Variants in C4orf50 observed in about 807,000 individuals in gnomAD.
C4orf50 encodes chromosome 4 open reading frame 50, also known as uncharacterized protein C4orf50.
In C4orf50, 80 loss-of-function variants were observed where a neutral mutation model predicts 77.2. The observed-to-expected ratio is 1.04, with a 90% CI of 0.87 to 1.25. The LOEUF is 1.25. Ranked by LOEUF, C4orf50 falls within the 50% of genes most tolerant of loss-of-function variation. The probability of loss-of-function intolerance (pLI) is 0.00; values close to 1 mark genes in which losing one functional copy is unlikely to be tolerated. For missense variants in C4orf50, 1,257 were observed against 1,152.9 expected (o/e 1.09, Z -1.31); for synonymous variants, 532 against 465.3 (o/e 1.14, Z -1.84).
chr4:5,915,371 T>C (rs1270692638), intron 7 of C4orf50, among the ~76,000 whole-genome samples: 1 of 152,232 alleles, frequency 6.6e-6, no homozygotes, highest in South Asian at 2.1e-4. Flanking sequence ...GGGAAAGACA[T>C]GGTTCATTAG....
Position 5,901,805 on chromosome 4 carries a change from G to T in C4orf50, c.*2475-3617C>A, listed in dbSNP as rs1291669634. 2 of 152,228 alleles carry T rather than the reference G, an allele frequency of 1.3e-5. No homozygotes were observed. The highest frequency in any genetic ancestry group is 2.9e-5 in the Non-Finnish European group (2 of 68,074). 9.4% of individuals were successfully genotyped at this position (152,228 alleles called of 1,614,324 possible). A position where few individuals can be genotyped will look rare whatever the true frequency, so the allele number is the denominator to read the frequency against. On this transcript the variant is annotated intron_variant, in intron 7 of 7. Transcript: ENST00000324058. The surrounding 1 kb of genome is among the most constrained non-coding windows in gnomAD (Gnocchi z 4.4). ...GATCACCATGCTGTCTAAAGGTCTG[G>T]GGCCCAAGACAGGTATATTCTCTGG...
intron 33 of C4orf50, 105 bp from the exon 12 acceptor site, chr4:5,959,731 G>C: frequency 1.5e-6 from 2 of 1,373,478 alleles, no homozygotes; most frequent in Non-Finnish European, 1.9e-6. Context: ...ATAGCTAACG[G>C]TTTCGGGGCA....
At position 5,992,861 on chromosome 4, in the gene C4orf50, G is replaced by A; in HGVS notation, c.1163C>T (p.Pro388Leu). 2.5e-6 allele frequency: 1 copy of A among 399,132 alleles called. No individual in the cohort carries two copies. Among genetic ancestry groups the A allele is most frequent in the East Asian group, 3.6e-5 (1 of 28,054 alleles). 24.7% of individuals were successfully genotyped at this position (399,132 alleles called of 1,614,324 possible). A position where few individuals can be genotyped will look rare whatever the true frequency, so the allele number is the denominator to read the frequency against. ...GAGCTCGCTTGTGGTCTCCGGGCCTGGAGCCAAAACAGAAGAGGCCCGTCC... is the reference window on the plus strand; with the variant it reads ...GAGCTCGCTTGTGGTCTCCGGGCCTAGAGCCAAAACAGAAGAGGCCCGTCC... The change falls in exon 27 of 34, where the codon CCA becomes CTA. Residue 388 changes from proline to leucine, a missense_variant. By Grantham distance (98) the Pro-to-Leu change is moderately conservative. Transcript: ENST00000531445. The surrounding 1 kb of genome is among the most constrained non-coding windows in gnomAD (Gnocchi z 5.0).
chr4:5,999,746 G>A (rs1341590545), intron 25 of C4orf50, among the ~76,000 whole-genome samples: 1 of 152,208 alleles, frequency 6.6e-6, no homozygotes, highest in African/African-American at 2.4e-5. Context: ...AGGGCCACCA[G>A]AGGTGGCTCA....
intron 28 of C4orf50, among the ~76,000 whole-genome samples, chr4:5,984,965 A>C (rs1206119472): frequency 6.6e-6 from 1 of 152,154 alleles, no homozygotes; most frequent in Non-Finnish European, 1.5e-5. Context: ...GAAATTATAA[A>C]AGCAGTCAGA....
At chr4:5,928,361 C>T (rs200386075) in intron 7 of C4orf50, among the ~76,000 whole-genome samples, 5 of 91,832 alleles carry the variant, frequency 5.4e-5, no homozygotes, top group Admixed American at 1.1e-4. Flanking sequence ...CACACACACA[C>T]ATACACACAC....
chr4:5,959,351 G>A (rs1467841039), exon 34 of C4orf50: 2 of 1,603,438 alleles, frequency 1.2e-6, no homozygotes, highest in Non-Finnish European at 1.7e-6. Context: ...TCTATGAAAT[G>A]GCTCCGGAGA....
intron 33 of C4orf50, 46 bp downstream of exon 11, chr4:5,964,978 A>G: frequency 6.3e-7 from 1 of 1,585,286 alleles, no homozygotes; most frequent in Non-Finnish European, 8.6e-7. Flanking sequence ...TTGTACTTTC[A>G]ATAACAAAGT....
rs559149083 is a variant in C4orf50 at position 6,008,804 on chromosome 4, G to A, written c.427-272C>T. Among the ~76,000 whole-genome samples, 4 of 152,200 alleles carry A rather than the reference G, an allele frequency of 2.6e-5. No individual in the cohort carries two copies. Among genetic ancestry groups the A allele is most frequent in the Admixed American group, 2.6e-4 (4 of 15,290 alleles). On this transcript the variant is annotated intron_variant, in intron 24 of 33. Transcript: ENST00000531445. This position sits in a 1 kb window ranked among gnomAD's most constrained non-coding sequence, Gnocchi z 6.0. ...CTGAGTCCTGGAAGGGAGCTGTGCA[G>A]GTGGCAGGATGGCCATCAGCGAGTA...
chr4:5,912,283 G>C (rs1410288437), intron 7 of C4orf50, among the ~76,000 whole-genome samples: 1 of 151,934 alleles, frequency 6.6e-6, no homozygotes, highest in African/African-American at 2.4e-5. Context: ...GTGTGTGTGT[G>C]TGTGTGTGTG....
chr4:5,980,467 T>G (rs935113163), intron 28 of C4orf50, 129 bp from the exon 7 acceptor site: 3 of 788,414 alleles, frequency 3.8e-6, no homozygotes, highest in Non-Finnish European at 6.1e-6. Flanking sequence ...CCTGCTTATA[T>G]TTCTCTTACA....
chr4:6,003,871 G>T (rs1185717489), intron 25 of C4orf50, among the ~76,000 whole-genome samples: 5 of 147,984 alleles, frequency 3.4e-5, no homozygotes, highest in Non-Finnish European at 7.5e-5. Flanking sequence ...TGATGGTGAT[G>T]ATGGTGATGG....
Position 6,008,797 on chromosome 4 carries a change from C to T in C4orf50, c.427-265G>A, listed in dbSNP as rs956317670. Among the ~76,000 whole-genome samples the T allele has an allele frequency of 3.9e-5, 6 of 152,198 alleles. No homozygotes were observed. Among genetic ancestry groups the T allele is most frequent in the African/African-American group, 1.4e-4 (6 of 41,466 alleles). ...CAGCTCCCTGAGTCCTGGAAGGGAG[C>T]TGTGCAGGTGGCAGGATGGCCATCA... On this transcript the variant is annotated intron_variant, in intron 24 of 33. Transcript: ENST00000531445. This position sits in a 1 kb window ranked among gnomAD's most constrained non-coding sequence, Gnocchi z 6.0.
chr4:5,906,244 C>T (rs1302357908), intron 7 of C4orf50, among the ~76,000 whole-genome samples: 1 of 151,608 alleles, frequency 6.6e-6, no homozygotes, highest in African/African-American at 2.4e-5. Flanking sequence ...GGCGGGGACT[C>T]CAGACATGGT....
intron 7 of C4orf50, among the ~76,000 whole-genome samples, chr4:5,927,491 C>A (rs1053098224): frequency 6.6e-6 from 1 of 151,906 alleles, no homozygotes; most frequent in Non-Finnish European, 1.5e-5. Context: ...AAATTGTAAA[C>A]CCCATGTGTT....
At position 5,932,584 on chromosome 4, in the gene C4orf50, T is replaced by C. The variant is rs980870403; in HGVS notation, c.*2474+24317A>G. Among the ~76,000 whole-genome samples, 2 of 152,172 alleles carry C rather than the reference T, an allele frequency of 1.3e-5. No individual in the cohort carries two copies. Among genetic ancestry groups the C allele is most frequent in the East Asian group, 1.9e-4 (1 of 5,182 alleles). On this transcript the variant is annotated intron_variant, in intron 7 of 7. Transcript: ENST00000324058. This position sits in a 1 kb window ranked among gnomAD's most constrained non-coding sequence, Gnocchi z 4.2. ...CTGAGTAGCTGCAACTACAGGTGCA[T>C]GCAACCACGCCCAGCTAATTTTTAT...
rs1202554041 is a variant in C4orf50 at position 6,014,648 on chromosome 4, G to GCA, written c.288-2681_288-2680insTG. ...GCTCAGAATTGTGCTTTCAGACCCTGGCCTCAGCTTTTAGCAGCCCTGGAT... is the reference window on the plus strand; with the variant it reads ...GCTCAGAATTGTGCTTTCAGACCCTGCAGCCTCAGCTTTTAGCAGCCCTGGAT... On this transcript the variant is annotated intron_variant, in intron 23 of 33. Coordinates refer to ENST00000531445, the Ensembl canonical transcript of C4orf50. 3.9e-5 allele frequency among the ~76,000 whole-genome samples: 6 copies of GCA among 152,220 alleles called. No homozygotes were observed. The South Asian group carries it at 6.2e-4, about 16-fold the overall frequency.
At chr4:6,006,404 G>A (rs1049673008) in intron 25 of C4orf50, among the ~76,000 whole-genome samples, 1 of 152,184 alleles carries the variant, frequency 6.6e-6, no homozygotes, top group African/African-American at 2.4e-5. Flanking sequence ...CAGAAGGCAG[G>A]CTGCTACAGT....
chr4:5,929,407 T>G (rs1208693612), intron 7 of C4orf50, among the ~76,000 whole-genome samples: 1 of 152,010 alleles, frequency 6.6e-6, no homozygotes, highest in Non-Finnish European at 1.5e-5. Context: ...AGAATTTACA[T>G]TTTGTTTTGC....
Sources: gnomAD v4.1 joint callset for allele counts (sites outside exome capture counted in the v4.1 genomes callset) on GRCh38, gnomAD v4.1.1 for gene constraint, Gnocchi (gnomAD v3.1) non-coding constraint, MANE v1.5 for transcripts, NCBI Gene and HGNC (gene_info 2026-07-23, HGNC 2026-07-21) for gene names.